The following AGMO variants were observed in gnomAD, a reference collection of about 807,000 sequenced individuals.
AGMO encodes alkylglycerol monooxygenase, also known as glyceryl-ether monooxygenase.
A neutral mutation model predicts 60.2 loss-of-function variants in AGMO; 75 were observed. That is an observed-to-expected ratio of 1.25 (90% CI 1.03 to 1.51). The LOEUF is 1.51. AGMO is among the 40% of genes most tolerant of loss of function. The pLI is 0.00. For missense variants in AGMO, 763 were observed against 525.5 expected (o/e 1.45, Z -4.42); for synonymous variants, 261 against 177.1 (o/e 1.47, Z -3.76).
intron 2 of AGMO, among the ~76,000 whole-genome samples, chr7:15,548,560 G>T (rs1784856191): frequency 1.3e-5 from 2 of 149,986 alleles, no homozygotes; most frequent in African/African-American, 2.5e-5. Context: ...GGAAGAAAGG[G>T]TATCAGCGAT....
intron 12 of AGMO, among the ~76,000 whole-genome samples, chr7:15,342,841 A>G (rs1781908454): frequency 6.7e-6 from 1 of 149,306 alleles, no homozygotes; most frequent in Non-Finnish European, 1.5e-5. Context: ...TTATGACTAT[A>G]TGACATTGGA....
intron 6 of AGMO, among the ~76,000 whole-genome samples, chr7:15,391,426 CTCATA>C (rs938920893): frequency 4.6e-5 from 7 of 152,016 alleles, no homozygotes; most frequent in Non-Finnish European, 7.4e-5. Context: ...TTTTTCAAAA[CTCATA>C]TCATATGTAT....
intron 12 of AGMO, chr7:15,358,282 T>G (rs1782619239): frequency 5.5e-6 from 2 of 364,440 alleles, no homozygotes; most frequent in Non-Finnish European, 1.1e-5. Context: ...GTTGCTGCTT[T>G]GAGTATTGGT....
intron 12 of AGMO, among the ~76,000 whole-genome samples, chr7:15,226,443 A>G (rs1782084324): frequency 6.6e-6 from 1 of 152,088 alleles, no homozygotes; most frequent in Non-Finnish European, 1.5e-5. Context: ...TTGATTTCTA[A>G]TGAGAAAATA....
the AGMO span, among the ~76,000 whole-genome samples, chr7:15,158,710 A>G: frequency 6.6e-6 from 1 of 152,184 alleles, no homozygotes; most frequent in Non-Finnish European, 1.5e-5. Context: ...GTGCTTATAA[A>G]GCCCCAGCAT....
the AGMO span, among the ~76,000 whole-genome samples, chr7:15,187,683 T>C: frequency 1.3e-5 from 2 of 152,198 alleles, no homozygotes; most frequent in Non-Finnish European, 2.9e-5. Context: ...GTGTTGTGTA[T>C]TGGGAGTTTG....
the AGMO span, among the ~76,000 whole-genome samples, chr7:15,165,325 A>G: frequency 6.6e-6 from 1 of 152,128 alleles, no homozygotes; most frequent in Non-Finnish European, 1.5e-5. Flanking sequence ...CCCAAACCTG[A>G]TCATCCTGCA....
chr7:15,170,692 G>A, the AGMO span, among the ~76,000 whole-genome samples: 3 of 151,948 alleles, frequency 2.0e-5, no homozygotes, highest in Non-Finnish European at 4.4e-5. Context: ...AACCAATACT[G>A]ATACATTTTT....
intron 12 of AGMO, among the ~76,000 whole-genome samples, chr7:15,328,429 G>A (rs1196198994): frequency 2.6e-5 from 4 of 152,142 alleles, no homozygotes; most frequent in Non-Finnish European, 5.9e-5. Context: ...TTGAGGCTAA[G>A]TAAGGAAGGA....
At chr7:15,243,592 C>A (rs2128503764) in intron 12 of AGMO, among the ~76,000 whole-genome samples, 1 of 152,136 alleles carries the variant, frequency 6.6e-6, no homozygotes, top group South Asian at 2.1e-4. Flanking sequence ...ACAGAAGTTA[C>A]ACAGTGATCA....
intron 5 of AGMO, among the ~76,000 whole-genome samples, chr7:15,405,550 C>G (rs1784663904): frequency 6.6e-6 from 1 of 151,908 alleles, no homozygotes; most frequent in South Asian, 2.1e-4. Context: ...TGACCCTACC[C>G]TTGCTTCAAT....
At chr7:15,144,794 C>A in the AGMO span, among the ~76,000 whole-genome samples, 1 of 152,088 alleles carries the variant, frequency 6.6e-6, no homozygotes, top group African/African-American at 2.4e-5. Context: ...CCAGTGGAGG[C>A]AGAACAAGTG....
At chr7:15,402,667 C>T (rs545790535) in intron 5 of AGMO, among the ~76,000 whole-genome samples, 2 of 146,912 alleles carry the variant, frequency 1.4e-5, no homozygotes, top group Admixed American at 1.4e-4. Flanking sequence ...TAAATATATA[C>T]AAATATATTT....
chr7:15,195,140 G>C, the AGMO span, among the ~76,000 whole-genome samples: 9 of 152,140 alleles, frequency 5.9e-5, no homozygotes, highest in Non-Finnish European at 1.2e-4. Flanking sequence ...AGCCAGAAGT[G>C]TAAAATAGGG....
At chr7:15,414,485 C>T (rs1023780429) in intron 5 of AGMO, among the ~76,000 whole-genome samples, 1 of 151,724 alleles carries the variant, frequency 6.6e-6, no homozygotes, top group African/African-American at 2.4e-5. Context: ...TACACACACA[C>T]ACACACACAC....
At chr7:15,322,735 AATATATAAAT>A (rs1305074166) in intron 12 of AGMO, among the ~76,000 whole-genome samples, 16 of 124,168 alleles carry the variant, frequency 1.3e-4, no homozygotes, top group Non-Finnish European at 2.4e-4. Context: ...TATATATATA[AATATATAAAT>A]ATATATAAAT....
chr7:15,284,066 GGATAC>G (rs1784037631), intron 12 of AGMO, among the ~76,000 whole-genome samples: 1 of 151,796 alleles, frequency 6.6e-6, no homozygotes, highest in Non-Finnish European at 1.5e-5. Flanking sequence ...AAAACCTCTG[GGATAC>G]AGCAAAAATA....
At chr7:15,271,156 T>C (rs1033974138) in intron 12 of AGMO, among the ~76,000 whole-genome samples, 1 of 152,160 alleles carries the variant, frequency 6.6e-6, no homozygotes, top group East Asian at 1.9e-4. Flanking sequence ...ATTTTGGCTC[T>C]GTTTGGGTTC....
At chr7:15,141,499 T>C in the AGMO span, among the ~76,000 whole-genome samples, 2 of 152,064 alleles carry the variant, frequency 1.3e-5, no homozygotes, top group South Asian at 2.1e-4. Context: ...GGCAGGAGAA[T>C]TGCTTGAACC....
Sources: gnomAD v4.1 joint callset for allele counts (sites outside exome capture counted in the v4.1 genomes callset) on GRCh38, gnomAD v4.1.1 for gene constraint, MANE v1.5 for transcripts, NCBI Gene and HGNC (gene_info 2026-07-23, HGNC 2026-07-21) for gene names.